Variants in FCRL4 observed in about 807,000 individuals in gnomAD.
FCRL4 encodes the protein Fc receptor like 4, also known as Fc receptor-like protein 4.
In FCRL4, 43 loss-of-function variants were observed where a neutral mutation model predicts 64.1. The ratio of observed to expected loss-of-function variants is 0.67; its 90% CI spans 0.53 to 0.87. The LOEUF (loss-of-function observed/expected upper bound fraction) is 0.87. Ranked by LOEUF, FCRL4 falls within the 40% of genes least tolerant of loss-of-function variation. FCRL4 has a pLI of 0.00. For synonymous variants in FCRL4, 253 were observed against 239.8 expected, an observed-to-expected ratio of 1.05 and a Z score of -0.51; for missense variants, 656 against 613.5, an observed-to-expected ratio of 1.07 and a Z score of -0.73.
At chr1:157,581,780 G>A (rs1284164721) in intron 6 of FCRL4, 136 bp from the exon 7 acceptor site, 2 of 661,362 alleles carry the variant, frequency 3.0e-6, no homozygotes, top group East Asian at 2.8e-5. Flanking sequence ...GACATCTTGG[G>A]CCAGGTTTTG....
Position 157,586,358 on chromosome 1 carries a change from G to C in FCRL4, c.945C>G (p.Gly315=). Residue 315 remains glycine (G), a synonymous_variant, in exon 6 of 12, where the codon GGC becomes GGG. Transcript: ENST00000271532. ...GCCAGGAGAATGTGGTATCCCCTGTGCCTTCAGCCACGGAGCAGACAAGGA... is the reference window on the plus strand; with the variant it reads ...GCCAGGAGAATGTGGTATCCCCTGTCCCTTCAGCCACGGAGCAGACAAGGA... ...MLVLVCSVAE[G]TGDTTFSWHR... 6.2e-7 allele frequency: 1 copy of C among 1,613,658 alleles called. No homozygotes were observed. The highest frequency in any genetic ancestry group is 8.5e-7 in the Non-Finnish European group (1 of 1,180,002).
At chr1:157,591,449 G>A (rs1372391808) in intron 2 of FCRL4, among the ~76,000 whole-genome samples, 1 of 152,166 alleles carries the variant, frequency 6.6e-6, no homozygotes, top group Non-Finnish European at 1.5e-5. Flanking sequence ...TGGGACAGGG[G>A]TTGTAGATGG....
chr1:157,583,673 T>A (rs1424142295), intron 6 of FCRL4, among the ~76,000 whole-genome samples: 1 of 152,122 alleles, frequency 6.6e-6, no homozygotes, highest in Non-Finnish European at 1.5e-5. Context: ...ACTTCCAGCC[T>A]CCAGAACTAT....
chr1:157,580,075 A>G (rs1359366509), intron 8 of FCRL4, among the ~76,000 whole-genome samples: 1 of 152,252 alleles, frequency 6.6e-6, no homozygotes, highest in Non-Finnish European at 1.5e-5. Flanking sequence ...AACCTTTGGT[A>G]TTATCCATTT....
intron 2 of FCRL4, among the ~76,000 whole-genome samples, chr1:157,595,412 C>T (rs1652939449): frequency 6.6e-6 from 1 of 152,002 alleles, no homozygotes; most frequent in Non-Finnish European, 1.5e-5. Flanking sequence ...TTGATGTATG[C>T]AACTAGACTC....
chr1:157,580,673 A>G, intron 7 of FCRL4: 1 of 325,436 alleles, frequency 3.1e-6, no homozygotes, highest in Non-Finnish European at 5.8e-6. Flanking sequence ...ACTTCGAGGA[A>G]CATCTGTGGC....
chr1:157,578,919 G>T, intron 8 of FCRL4, 67 bp from the exon 9 acceptor site: 3 of 1,304,416 alleles, frequency 2.3e-6, no homozygotes, highest in South Asian at 1.4e-5. Flanking sequence ...GAGATACCCA[G>T]GGAGAGCGGC....
intron 8 of FCRL4, among the ~76,000 whole-genome samples, chr1:157,579,146 G>A (rs1477874242): frequency 1.3e-5 from 2 of 152,228 alleles, no homozygotes; most frequent in East Asian, 1.9e-4. Context: ...GATTACTCTT[G>A]TTTGGTTAAA....
chr1:157,589,432 C>A lies in FCRL4; in HGVS notation c.79G>T (p.Val27Phe). 1 of 1,614,056 alleles carries A rather than the reference C, an allele frequency of 6.2e-7. No homozygotes were observed. Among genetic ancestry groups the A allele is most frequent in the Non-Finnish European group, 8.5e-7 (1 of 1,179,984 alleles). ...AAGAATGTGGTCCATGGAGGATGGA[C>A]GGAAATCACAGGTTTGTGTGCAGCT... is the stretch of plus-strand genomic sequence containing the variant. ...SAAAHKPVIS[V>F]HPPWTTFFKG... Residue 27 changes from valine to phenylalanine, a missense_variant, in exon 3 of 12, where the codon GTC (valine) becomes TTC (phenylalanine). Physicochemically the swap from Val to Phe is conservative, Grantham distance 50. Coordinates refer to ENST00000271532, the MANE Select transcript of FCRL4 (RefSeq NM_031282.3).
intron 2 of FCRL4, among the ~76,000 whole-genome samples, chr1:157,594,104 A>G: frequency 6.6e-6 from 1 of 152,240 alleles, no homozygotes; most frequent in Non-Finnish European, 1.5e-5. Context: ...CCTATTAACG[A>G]TTATGAAGGA....
intron 7 of FCRL4, among the ~76,000 whole-genome samples, chr1:157,580,749 C>T (rs1022157819): frequency 6.6e-6 from 1 of 152,260 alleles, no homozygotes; most frequent in Non-Finnish European, 1.5e-5. Flanking sequence ...AGGTCCAAAG[C>T]TCCCTACCTC....
intron 2 of FCRL4, among the ~76,000 whole-genome samples, chr1:157,595,577 G>C (rs1192121733): frequency 6.6e-6 from 1 of 152,216 alleles, no homozygotes; most frequent in Non-Finnish European, 1.5e-5. Flanking sequence ...GGCACTTTTT[G>C]TATTTCATTT....
At chr1:157,575,647 T>C (rs1237094954) in intron 11 of FCRL4, 37 bp from the exon 12 acceptor site, 1 of 1,610,454 alleles carries the variant, frequency 6.2e-7, no homozygotes, top group African/African-American at 1.3e-5. Context: ...CGAGAGGGAG[T>C]GTGAGGCTGC....
intron 2 of FCRL4, among the ~76,000 whole-genome samples, chr1:157,591,695 A>C (rs1410100763): frequency 1.3e-5 from 2 of 152,176 alleles, no homozygotes; most frequent in African/African-American, 4.8e-5. Context: ...AGTAGGCCCT[A>C]AAATCTTTGA....
chr1:157,583,864 A>G (rs1386171565), intron 6 of FCRL4, among the ~76,000 whole-genome samples: 1 of 152,174 alleles, frequency 6.6e-6, no homozygotes, highest in Admixed American at 6.5e-5. Flanking sequence ...TGATTAAAAA[A>G]TATTTAGGAG....
At chr1:157,597,607 T>C (rs535746257) in intron 1 of FCRL4, among the ~76,000 whole-genome samples, 2 of 152,354 alleles carry the variant, frequency 1.3e-5, no homozygotes, top group African/African-American at 4.8e-5. Context: ...TGGGTCCTCA[T>C]GCTCTGTGAC....
At chr1:157,587,834 T>C in intron 4 of FCRL4, 31 bp downstream of exon 4, 1 of 1,579,220 alleles carries the variant, frequency 6.3e-7, no homozygotes, top group South Asian at 1.1e-5. Context: ...CTGTCATTAC[T>C]AAGCAAATCT....
chr1:157,587,741 CTT>C, intron 4 of FCRL4, 122 bp downstream of exon 4: 1 of 1,156,068 alleles, frequency 8.7e-7, no homozygotes, highest in Non-Finnish European at 1.2e-6. Context: ...TTCTCTGCCT[CTT>C]AGAGGATTTG....
chr1:157,595,977 A>T (rs1351443391), intron 2 of FCRL4, among the ~76,000 whole-genome samples: 4 of 152,200 alleles, frequency 2.6e-5, no homozygotes, highest in African/African-American at 9.6e-5. Flanking sequence ...CCCCCTCTGA[A>T]GTATTGGCTT....
Sources: gnomAD v4.1 joint callset for allele counts (sites outside exome capture counted in the v4.1 genomes callset) on GRCh38, gnomAD v4.1.1 for gene constraint, MANE v1.5 for transcripts, NCBI Gene and HGNC (gene_info 2026-07-23, HGNC 2026-07-21) for gene names.